FAM107B: variants seen among roughly 807,000 people sequenced by gnomAD.
The protein encoded by FAM107B is family with sequence similarity 107 member B.
In FAM107B, 21 loss-of-function variants were observed where a neutral mutation model predicts 31.5. That is an observed-to-expected ratio of 0.67 (90% CI 0.47 to 0.96). The LOEUF (loss-of-function observed/expected upper bound fraction) is 0.96, where lower values mean the gene tolerates loss of function less well. Among genes scored for constraint, FAM107B ranks in the 40% least tolerant of loss-of-function variants. FAM107B has a pLI of 0.00. For missense variants in FAM107B, 452 were observed against 377.1 expected, an observed-to-expected ratio of 1.20 and a Z score of -1.64; for synonymous variants, 157 against 141.5, an observed-to-expected ratio of 1.11 and a Z score of -0.78.
chr10:14,580,747 T>A (rs1229535502), intron 2 of FAM107B, among the ~76,000 whole-genome samples: 1 of 151,986 alleles, frequency 6.6e-6, no homozygotes, highest in Non-Finnish European at 1.5e-5. Flanking sequence ...TAGCCTTTAA[T>A]TCACTGCTCT....
At chr10:14,651,123 G>A (rs935564221) in intron 2 of FAM107B, among the ~76,000 whole-genome samples, 2 of 152,162 alleles carry the variant, frequency 1.3e-5, no homozygotes, top group Admixed American at 6.5e-5. Flanking sequence ...ACTTCTGGGG[G>A]AACCAAATTA....
At chr10:14,694,489 T>C (rs1855219074) in intron 1 of FAM107B, among the ~76,000 whole-genome samples, 1 of 152,202 alleles carries the variant, frequency 6.6e-6, no homozygotes, top group African/African-American at 2.4e-5. Flanking sequence ...GTTCAAGCGA[T>C]TCTCCTGCCT....
Position 14,519,116 on chromosome 10 carries a change from C to A in FAM107B, c.*2074G>T, listed in dbSNP as rs890167583. ...GTATTACTAATTACAAATAATTCTG[C>A]AGATTTGAGTGAGATTAGGAAAGAA... On this transcript the variant is annotated 3_prime_UTR_variant, in exon 5 of 5. Coordinates refer to ENST00000181796, the MANE Select transcript of FAM107B (RefSeq NM_031453.4). The A allele has an allele frequency of 1.3e-5, 2 of 152,042 alleles. No homozygotes were observed. The highest frequency in any genetic ancestry group is 4.8e-5 in the African/African-American group (2 of 41,356). 9.4% of individuals were successfully genotyped at this position (152,042 alleles called of 1,614,324 possible). A position where few individuals can be genotyped will look rare whatever the true frequency, so the allele number is the denominator to read the frequency against.
chr10:14,586,953 G>C (rs1564588275), intron 2 of FAM107B, among the ~76,000 whole-genome samples: 1 of 152,182 alleles, frequency 6.6e-6, no homozygotes, highest in Non-Finnish European at 1.5e-5. Flanking sequence ...CCAATCCTGG[G>C]ACAAACTCTC....
intron 1 of FAM107B, among the ~76,000 whole-genome samples, chr10:14,675,915 T>C (rs1468586586): frequency 6.6e-6 from 1 of 152,130 alleles, no homozygotes; most frequent in East Asian, 1.9e-4. Context: ...CCCAGCATCT[T>C]GGGAGGCCAA....
At chr10:14,709,005 A>G (rs1006806505) in intron 1 of FAM107B, among the ~76,000 whole-genome samples, 24 of 152,132 alleles carry the variant, frequency 1.6e-4, no homozygotes, top group Admixed American at 1.3e-4. Flanking sequence ...ATACCACTGC[A>G]TACCTATTAG....
intron 2 of FAM107B, among the ~76,000 whole-genome samples, chr10:14,547,716 T>C (rs750435251): frequency 1.3e-5 from 2 of 152,216 alleles, no homozygotes; most frequent in Non-Finnish European, 2.9e-5. Context: ...TAAGGGTTTG[T>C]CTGGAAAACT....
chr10:14,669,675 A>G (rs1043580462), intron 1 of FAM107B, among the ~76,000 whole-genome samples: 18 of 152,324 alleles, frequency 1.2e-4, no homozygotes, highest in South Asian at 4.1e-4. Flanking sequence ...TGCCTTTCTC[A>G]TATGTTCTTA....
chr10:14,635,278 C>T (rs1044159578), intron 2 of FAM107B, among the ~76,000 whole-genome samples: 1 of 152,046 alleles, frequency 6.6e-6, no homozygotes, highest in Non-Finnish European at 1.5e-5. Flanking sequence ...GAGCAAGAAA[C>T]CAGGAAGCCC....
intron 1 of FAM107B, among the ~76,000 whole-genome samples, chr10:14,724,820 A>G (rs777673410): frequency 6.6e-6 from 1 of 152,134 alleles, no homozygotes; most frequent in Non-Finnish European, 1.5e-5. Flanking sequence ...AGGCCCCAAC[A>G]CCTAGGTCCT....
At chr10:14,772,476 C>T (rs562112096) in intron 1 of FAM107B, among the ~76,000 whole-genome samples, 134 of 152,114 alleles carry the variant, frequency 8.8e-4, no homozygotes, top group African/African-American at 3.1e-3. Context: ...GCTTAGCTCT[C>T]GGTGTTTGAA....
In FAM107B at chr10:14,620,431, C is replaced by G. The variant is rs542692189; in HGVS notation, c.469+47203G>C. ...ACTCTAAAATTCAGGTTTTGTGAGT[C>G]ATCTAACTTTGTTGTTCTCCAAAAT... is the stretch of plus-strand genomic sequence containing the variant. On this transcript the variant is annotated intron_variant, in intron 2 of 4. Coordinates refer to ENST00000181796, the MANE Select transcript of FAM107B (RefSeq NM_031453.4). Among the ~76,000 whole-genome samples the G allele has an allele frequency of 3.9e-5, 6 of 152,260 alleles. No individual in the cohort carries two copies. The South Asian group carries it at 1.2e-3, about 32-fold the overall frequency.
intron 1 of FAM107B, among the ~76,000 whole-genome samples, chr10:14,674,828 G>T (rs1315585936): frequency 6.6e-6 from 1 of 151,878 alleles, no homozygotes; most frequent in Admixed American, 6.6e-5. Flanking sequence ...TCAACCTCCC[G>T]GGTTCAAGTG....
At chr10:14,698,954 T>C (rs1389368398) in intron 1 of FAM107B, among the ~76,000 whole-genome samples, 1 of 152,116 alleles carries the variant, frequency 6.6e-6, no homozygotes, top group Non-Finnish European at 1.5e-5. Flanking sequence ...CCACGTGCTG[T>C]GGGGGTTCTC....
intron 2 of FAM107B, among the ~76,000 whole-genome samples, chr10:14,605,712 G>T (rs1467499075): frequency 6.6e-6 from 1 of 152,172 alleles, no homozygotes; most frequent in East Asian, 1.9e-4. Context: ...TGAATTCCAT[G>T]AACTTTATAC....
chr10:14,527,948 T>C (rs1268405254), intron 3 of FAM107B: 1 of 261,524 alleles, frequency 3.8e-6, no homozygotes, highest in African/African-American at 2.4e-5. Context: ...TTGAAAACTC[T>C]TAAGAGATAA....
At chr10:14,639,713 A>G (rs1853585770) in intron 2 of FAM107B, among the ~76,000 whole-genome samples, 1 of 152,094 alleles carries the variant, frequency 6.6e-6, no homozygotes, top group African/African-American at 2.4e-5. Flanking sequence ...CACGGAGCAT[A>G]GACTGCCCCC....
intron 2 of FAM107B, among the ~76,000 whole-genome samples, chr10:14,549,945 T>C (rs1480549697): frequency 6.6e-6 from 1 of 152,178 alleles, no homozygotes. Flanking sequence ...AGCTCACTGG[T>C]AAATACCCAG....
At chr10:14,556,574 C>T (rs1038935655) in intron 2 of FAM107B, among the ~76,000 whole-genome samples, 5 of 152,332 alleles carry the variant, frequency 3.3e-5, no homozygotes, top group African/African-American at 9.6e-5. Flanking sequence ...CGTGCTACTG[C>T]CCCTCACTTG....
Sources: gnomAD v4.1 joint callset for allele counts (sites outside exome capture counted in the v4.1 genomes callset) on GRCh38, gnomAD v4.1.1 for gene constraint, MANE v1.5 for transcripts, NCBI Gene and HGNC (gene_info 2026-07-23, HGNC 2026-07-21) for gene names.